CDH18: variants seen among roughly 807,000 people sequenced by gnomAD.
CDH18 encodes the protein cadherin 18.
A neutral mutation model predicts 67.9 loss-of-function variants in CDH18; 31 were observed. The ratio of observed to expected loss-of-function variants is 0.46; its 90% CI spans 0.34 to 0.62. CDH18 has a LOEUF of 0.62. Among genes scored for constraint, CDH18 ranks in the 20% least tolerant of loss-of-function variants. The pLI is 0.01. For missense variants in CDH18, 890 were observed against 975.5 expected, an observed-to-expected ratio of 0.91 and a Z score of 1.17; for synonymous variants, 362 against 347.2, an observed-to-expected ratio of 1.04 and a Z score of -0.48.
rs142298510 is a variant in CDH18 at position 19,876,903 on chromosome 5, G to A, written c.-256-37661C>T. 1.8e-3 allele frequency among the ~76,000 whole-genome samples: 279 copies of A among 152,138 alleles called. 2 individuals are homozygous for A. Among genetic ancestry groups the A allele is most frequent in the African/African-American group, 6.5e-3 (268 of 41,532 alleles). ...CAGTTCTGGCCAATGAAATCCGTGT[G>A]GAAATGATTAAGTCACTTCTTGGCA... is the stretch of plus-strand genomic sequence containing the variant. On this transcript the variant is annotated intron_variant, in intron 2 of 12. Transcript: ENST00000382275.
chr5:19,818,235 G>A (rs530547225), intron 3 of CDH18, among the ~76,000 whole-genome samples: 3 of 152,190 alleles, frequency 2.0e-5, no homozygotes, highest in African/African-American at 7.2e-5. Flanking sequence ...TGTAATACAG[G>A]AAGTAAATGG....
In CDH18 at chr5:19,969,356, A is replaced by C. The variant is rs1183228939; in HGVS notation, c.-257+11704T>G. Among the ~76,000 whole-genome samples, 7 of 147,968 alleles carry C rather than the reference A, an allele frequency of 4.7e-5. 1 individual carries two copies. Among genetic ancestry groups the C allele is most frequent in the African/African-American group, 1.9e-4 (7 of 37,718 alleles). On this transcript the variant is annotated intron_variant, in intron 2 of 12. Coordinates refer to ENST00000382275, the MANE Select transcript of CDH18 (RefSeq NM_004934.5). Reference sequence around the variant, plus strand: ...ATCCCATTACTGGTTATATACCCAAAGGACTATAAATCATGCTGCTATAAA... The same window carrying C: ...ATCCCATTACTGGTTATATACCCAACGGACTATAAATCATGCTGCTATAAA...
intron 12 of CDH18, among the ~76,000 whole-genome samples, chr5:19,481,335 T>C (rs1047121559): frequency 2.6e-5 from 4 of 152,178 alleles, no homozygotes; most frequent in African/African-American, 9.7e-5. Context: ...TTGAGGCCAT[T>C]CTAACTCATG....
At chr5:19,997,237 T>A (rs2150395817) in intron 2 of CDH18, among the ~76,000 whole-genome samples, 1 of 152,268 alleles carries the variant, frequency 6.6e-6, no homozygotes, top group South Asian at 2.1e-4. Flanking sequence ...TCTAGAGACC[T>A]ATGCATCAGA....
In CDH18 at chr5:19,549,339, C is replaced by CTGTAA. The variant is rs1736923828; in HGVS notation, c.1254-5335_1254-5334insTTACA. Among the ~76,000 whole-genome samples, 5 of 152,242 alleles carry CTGTAA rather than the reference C, an allele frequency of 3.3e-5. No individual in the cohort carries two copies. The South Asian group carries it at 1.0e-3, about 32-fold the overall frequency. ...CATGTGACATGCTGGCTCCCCTTCA[C>CTGTAA]CTTCTGCCATGACTGTAAGTTCTCT... On this transcript the variant is annotated intron_variant, in intron 8 of 12. Transcript: ENST00000382275.
At chr5:20,265,764 G>C (rs751020199) in intron 1 of CDH18, among the ~76,000 whole-genome samples, 1 of 152,160 alleles carries the variant, frequency 6.6e-6, no homozygotes. Flanking sequence ...GGTGATAAAA[G>C]ACAAGATGTG....
intron 2 of CDH18, among the ~76,000 whole-genome samples, chr5:20,146,303 G>A (rs762971810): frequency 3.9e-5 from 6 of 152,012 alleles, no homozygotes; most frequent in Admixed American, 1.3e-4. Flanking sequence ...AGGGAGAATC[G>A]TCTTAATTAG....
chr5:19,998,370 G>A (rs980934285), intron 2 of CDH18, among the ~76,000 whole-genome samples: 1 of 152,086 alleles, frequency 6.6e-6, no homozygotes, highest in African/African-American at 2.4e-5. Context: ...GATGAGCAAG[G>A]GACAATTCCA....
chr5:20,538,827 G>C (rs771650842), intron 1 of CDH18, among the ~76,000 whole-genome samples: 32 of 150,704 alleles, frequency 2.1e-4, no homozygotes, highest in African/African-American at 7.5e-4. Flanking sequence ...CTTCTATTGT[G>C]GAATACTGGA....
chr5:20,182,735 T>C (rs569308760), intron 2 of CDH18, among the ~76,000 whole-genome samples: 19 of 151,476 alleles, frequency 1.3e-4, no homozygotes, highest in Admixed American at 2.6e-4. Flanking sequence ...CCTTCTGCCA[T>C]CTGAGGACTT....
intron 2 of CDH18, among the ~76,000 whole-genome samples, chr5:20,041,922 G>A (rs1032254018): frequency 3.9e-5 from 6 of 152,134 alleles, no homozygotes; most frequent in East Asian, 1.9e-4. Flanking sequence ...AATTATAAAC[G>A]TGTAATACCA....
chr5:19,669,392 A>C (rs1758432440), intron 5 of CDH18, among the ~76,000 whole-genome samples: 1 of 151,596 alleles, frequency 6.6e-6, no homozygotes, highest in Non-Finnish European at 1.5e-5. Context: ...TCCCAGGTTC[A>C]AGTGATTCTC....
At chr5:20,352,766 C>T (rs753778438) in intron 1 of CDH18, among the ~76,000 whole-genome samples, 1 of 151,730 alleles carries the variant, frequency 6.6e-6, no homozygotes, top group Non-Finnish European at 1.5e-5. Flanking sequence ...GCACTGTAGC[C>T]TGGGCGATAG....
At chr5:20,139,152 A>G (rs544511205) in intron 2 of CDH18, among the ~76,000 whole-genome samples, 1 of 152,290 alleles carries the variant, frequency 6.6e-6, no homozygotes, top group East Asian at 1.9e-4. Flanking sequence ...AGCCCTCAGA[A>G]ATAATACCAC....
At chr5:20,469,539 T>G (rs1226651744) in intron 1 of CDH18, among the ~76,000 whole-genome samples, 1 of 152,170 alleles carries the variant, frequency 6.6e-6, no homozygotes, top group Non-Finnish European at 1.5e-5. Flanking sequence ...TTCACAAGTT[T>G]GCTGTAACGG....
intron 2 of CDH18, chr5:20,158,512 C>A (rs181720792): frequency 6.6e-6 from 1 of 152,172 alleles, no homozygotes; most frequent in East Asian, 1.9e-4. Context: ...ATTTAATAAT[C>A]GTGGCTGAAT....
intron 2 of CDH18, among the ~76,000 whole-genome samples, chr5:19,993,774 T>C (rs1192892299): frequency 2.0e-5 from 3 of 152,134 alleles, no homozygotes; most frequent in Non-Finnish European, 4.4e-5. Flanking sequence ...TATACCTCTC[T>C]ATCTATCCTC....
chr5:20,087,814 T>C (rs1193499600), intron 2 of CDH18, among the ~76,000 whole-genome samples: 1 of 152,200 alleles, frequency 6.6e-6, no homozygotes, highest in African/African-American at 2.4e-5. Context: ...TTCTCTTTGT[T>C]GCAGTGGTCT....
intron 2 of CDH18, among the ~76,000 whole-genome samples, chr5:20,253,218 A>G (rs1743993314): frequency 6.6e-6 from 1 of 152,204 alleles, no homozygotes; most frequent in South Asian, 2.1e-4. Flanking sequence ...GATCTTGTAC[A>G]GAGCACTAGC....
Sources: gnomAD v4.1 joint callset for allele counts (sites outside exome capture counted in the v4.1 genomes callset) on GRCh38, gnomAD v4.1.1 for gene constraint, MANE v1.5 for transcripts, NCBI Gene and HGNC (gene_info 2026-07-23, HGNC 2026-07-21) for gene names.